The following KIF26B variants were observed in gnomAD, a reference collection of about 807,000 sequenced individuals.
KIF26B encodes kinesin family member 26B, also known as kinesin-like protein KIF26B.
In KIF26B, 63 loss-of-function variants were observed where a neutral mutation model predicts 151.2. The observed-to-expected ratio is 0.42, with a 90% confidence interval of 0.34 to 0.51. KIF26B has a LOEUF of 0.51. Ranked by LOEUF, KIF26B falls within the 20% of genes least tolerant of loss-of-function variation. KIF26B has a pLI of 0.07. For synonymous variants in KIF26B, 1,357 were observed against 1,262.1 expected (o/e 1.08, Z -1.59); for missense variants, 2,813 against 2,913.6 (o/e 0.97, Z 0.79).
At chr1:245,447,186 G>A (rs1659267118) in intron 4 of KIF26B, among the ~76,000 whole-genome samples, 1 of 152,154 alleles carries the variant, frequency 6.6e-6, no homozygotes. Context: ...GGTGCCCGTG[G>A]CCCATCTGAA....
intron 4 of KIF26B, among the ~76,000 whole-genome samples, chr1:245,431,504 C>A (rs1157444341): frequency 6.6e-6 from 1 of 152,186 alleles, no homozygotes; most frequent in Non-Finnish European, 1.5e-5. Flanking sequence ...GCCACCATGC[C>A]CAGCTCATTT....
intron 3 of KIF26B, among the ~76,000 whole-genome samples, chr1:245,387,070 A>G (rs1245481093): frequency 2.6e-5 from 4 of 152,180 alleles, no homozygotes; most frequent in African/African-American, 7.2e-5. Context: ...AACTGTTTAT[A>G]GGAACGGTAA....
At chr1:245,451,846 C>T (rs1224000622) in intron 4 of KIF26B, among the ~76,000 whole-genome samples, 1 of 152,004 alleles carries the variant, frequency 6.6e-6, no homozygotes, top group Admixed American at 6.6e-5. Flanking sequence ...GTGATCCACC[C>T]ACCTCGGCCT....
intron 2 of KIF26B, among the ~76,000 whole-genome samples, chr1:245,246,089 CT>C (rs1558360104): frequency 1.1e-5 from 1 of 88,774 alleles, no homozygotes. Flanking sequence ...GAGACTCCGT[CT>C]CAAAAAAGAA....
chr1:245,553,980 G>C (rs960298360), intron 5 of KIF26B, among the ~76,000 whole-genome samples: 5 of 152,140 alleles, frequency 3.3e-5, no homozygotes, highest in African/African-American at 1.2e-4. Context: ...TTTCTTCCTT[G>C]TCTGGCCTCG....
At chr1:245,603,373 C>T (rs977553620) in intron 6 of KIF26B, among the ~76,000 whole-genome samples, 8 of 152,124 alleles carry the variant, frequency 5.3e-5, no homozygotes, top group African/African-American at 1.9e-4. Flanking sequence ...TTACAAATCA[C>T]CCTAAAATTC....
intron 2 of KIF26B, among the ~76,000 whole-genome samples, chr1:245,344,197 TTTC>T (rs1030317873): frequency 6.6e-6 from 1 of 151,690 alleles, no homozygotes; most frequent in Non-Finnish European, 1.5e-5. Flanking sequence ...TTTCTTTCCT[TTTC>T]TTTTTTCTCT....
In KIF26B at chr1:245,556,816, G is replaced by T. The variant is rs111943198; in HGVS notation, c.1350+15866G>T. On this transcript the variant is annotated intron_variant, in intron 5 of 14. Coordinates refer to ENST00000407071, the MANE Select transcript of KIF26B (RefSeq NM_018012.4). Reference sequence around the variant, plus strand: ...AGCCTCTCAAGTAGCTGAGTTTACAGGTGCAAGCCACCATCCCCAGCCAAG... The same window carrying T: ...AGCCTCTCAAGTAGCTGAGTTTACATGTGCAAGCCACCATCCCCAGCCAAG... Among the ~76,000 whole-genome samples, 1,208 of 152,292 alleles carry T rather than the reference G, an allele frequency of 7.9e-3. 8 individuals are homozygous for T. Among genetic ancestry groups the T allele is most frequent in the Non-Finnish European group, 0.014 (962 of 68,030 alleles).
intron 2 of KIF26B, among the ~76,000 whole-genome samples, chr1:245,327,509 G>A (rs1349535712): frequency 1.3e-5 from 2 of 152,100 alleles, no homozygotes; most frequent in Non-Finnish European, 2.9e-5. Context: ...TCTAGAATTC[G>A]ACATCTGTCA....
chr1:245,184,047 G>GTTTTTTT (rs1469137088), intron 2 of KIF26B, among the ~76,000 whole-genome samples: 64 of 9,218 alleles, frequency 6.9e-3, no homozygotes, highest in Admixed American at 7.5e-3. Flanking sequence ...GGTGGGAGTT[G>GTTTTTTT]TTGTTTTTTT....
At chr1:245,240,170 AAG>A (rs1382752096) in intron 2 of KIF26B, among the ~76,000 whole-genome samples, 2 of 152,130 alleles carry the variant, frequency 1.3e-5, no homozygotes, top group East Asian at 1.9e-4. Context: ...CTCAAAAAAA[AAG>A]AGAGTCATTT....
chr1:245,504,864 T>C (rs918052440), intron 4 of KIF26B, among the ~76,000 whole-genome samples: 3 of 152,232 alleles, frequency 2.0e-5, no homozygotes, highest in Non-Finnish European at 4.4e-5. Flanking sequence ...TAACGAATTT[T>C]AAATGAATAA....
chr1:245,636,053 CT>C (rs907345594), intron 9 of KIF26B, among the ~76,000 whole-genome samples: 1 of 152,074 alleles, frequency 6.6e-6, no homozygotes, highest in Non-Finnish European at 1.5e-5. Flanking sequence ...TACTGTGTAT[CT>C]TGGTAAATGC....
chr1:245,432,905 A>C (rs373313379), intron 4 of KIF26B, among the ~76,000 whole-genome samples: 8 of 152,326 alleles, frequency 5.3e-5, no homozygotes, highest in African/African-American at 1.7e-4. Context: ...TCTGGTTGAC[A>C]TCCCTCCTTT....
At chr1:245,206,858 G>C (rs1669416001) in intron 2 of KIF26B, 1 of 152,132 alleles carries the variant, frequency 6.6e-6, no homozygotes, top group South Asian at 2.1e-4. Context: ...AAGTGAAAAT[G>C]TTTTTCTGTT....
Position 245,414,651 on chromosome 1 carries a change from G to A in KIF26B, c.1000-4928G>A, listed in dbSNP as rs1173149085. ...AGTCTTCCTTCTAGGCCCCACAGAG[G>A]CCTCTTTGACCTCAAGACTTGGCTA... On this transcript the variant is annotated intron_variant, in intron 3 of 14. Coordinates refer to ENST00000407071, the MANE Select transcript of KIF26B (RefSeq NM_018012.4). Among the ~76,000 whole-genome samples, 5 of 152,202 alleles carry A rather than the reference G, an allele frequency of 3.3e-5. No homozygotes were observed. The East Asian group carries it at 9.6e-4, about 29-fold the overall frequency.
At chr1:245,646,990 T>C (rs2043954876) in intron 10 of KIF26B, among the ~76,000 whole-genome samples, 1 of 152,242 alleles carries the variant, frequency 6.6e-6, no homozygotes, top group South Asian at 2.1e-4. Flanking sequence ...GGCAGGCCAT[T>C]GACTGGCTGT....
intron 4 of KIF26B, chr1:245,511,076 T>C (rs1368685026): frequency 1.4e-6 from 1 of 717,018 alleles, no homozygotes; most frequent in African/African-American, 1.7e-5. Context: ...AAATGGATTC[T>C]GCACTTGATT....
chr1:245,356,895 G>A (rs1417355710), intron 2 of KIF26B, among the ~76,000 whole-genome samples: 1 of 152,210 alleles, frequency 6.6e-6, no homozygotes, highest in East Asian at 1.9e-4. Context: ...ATCCAGGAAG[G>A]CCTCGTTGAA....
Sources: gnomAD v4.1 joint callset for allele counts (sites outside exome capture counted in the v4.1 genomes callset) on GRCh38, gnomAD v4.1.1 for gene constraint, MANE v1.5 for transcripts, NCBI Gene and HGNC (gene_info 2026-07-23, HGNC 2026-07-21) for gene names.